PEAK1: variants seen among roughly 807,000 people sequenced by gnomAD.
PEAK1 encodes pseudopodium enriched atypical kinase 1.
In PEAK1, 54 loss-of-function variants were observed where a neutral mutation model predicts 124.7. The ratio of observed to expected loss-of-function variants is 0.43; its 90% CI spans 0.35 to 0.54. PEAK1 has a LOEUF of 0.54. Among genes scored for constraint, PEAK1 ranks in the 20% least tolerant of loss-of-function variants. The pLI, the probability that PEAK1 is intolerant of heterozygous loss-of-function variation, is 0.01. For missense variants in PEAK1, 2,046 were observed against 2,134.5 expected (o/e 0.96, Z 0.82); for synonymous variants, 719 against 760.0 (o/e 0.95, Z 0.89).
chr15:77,298,064 C>CAAAAAAAAA (rs771222323), intron 2 of PEAK1, among the ~76,000 whole-genome samples: 1 of 31,556 alleles, frequency 3.2e-5, no homozygotes, highest in African/African-American at 1.5e-4. Flanking sequence ...GACTCCGTCT[C>CAAAAAAAAA]AAAAAAAAAA....
intron 2 of PEAK1, among the ~76,000 whole-genome samples, chr15:77,294,752 T>C (rs751319691): frequency 2.0e-5 from 3 of 152,216 alleles, no homozygotes; most frequent in Non-Finnish European, 4.4e-5. Flanking sequence ...GTATAGATGC[T>C]GGACATTATA....
At position 77,313,664 on chromosome 15, in the gene PEAK1, G is replaced by A. The variant is rs1340649276; in HGVS notation, c.-602-27160C>T. Among the ~76,000 whole-genome samples the A allele has an allele frequency of 2.7e-5, 3 of 110,538 alleles. No individual in the cohort carries two copies. The South Asian group carries it at 7.8e-4, about 29-fold the overall frequency. The allele number at this position is 110,538 out of a possible 152,430, so 72.5% of individuals were successfully genotyped here. A position where few individuals can be genotyped will look rare whatever the true frequency, so the allele number is the denominator to read the frequency against. ...TATGTATGTATGTATGTGTGTGTGTGTGTGTGTGTGTGTGTGTGTGTGTGT... is the reference window on the plus strand; with the variant it reads ...TATGTATGTATGTATGTGTGTGTGTATGTGTGTGTGTGTGTGTGTGTGTGT... On this transcript the variant is annotated intron_variant, in intron 2 of 9. Coordinates refer to ENST00000682557, the MANE Select transcript of PEAK1 (RefSeq NM_001385026.1).
chr15:77,382,722 T>C (rs1216670838), intron 1 of PEAK1, among the ~76,000 whole-genome samples: 1 of 152,174 alleles, frequency 6.6e-6, no homozygotes, highest in African/African-American at 2.4e-5. Flanking sequence ...CTATTTTGTC[T>C]AAGAATCCTC....
intron 2 of PEAK1, among the ~76,000 whole-genome samples, chr15:77,289,469 A>C (rs2063101803): frequency 6.6e-6 from 1 of 152,178 alleles, no homozygotes; most frequent in Non-Finnish European, 1.5e-5. Flanking sequence ...CTTGATGTTA[A>C]ATTCACAGAG....
intron 2 of PEAK1, among the ~76,000 whole-genome samples, chr15:77,300,523 T>TA (rs2063731178): frequency 6.6e-6 from 1 of 152,212 alleles, no homozygotes; most frequent in Non-Finnish European, 1.5e-5. Flanking sequence ...AGATAGTACA[T>TA]AGAGTTCCCA....
rs561156576 is a variant in PEAK1, at chr15:77,361,739, C to G, written c.-603+3424G>C. ...TCACTACAGTGAATCTATCCAAAGA[C>G]AAGACTATCATTATATCAAAGAGAC... On this transcript the variant is annotated intron_variant, in intron 2 of 9. Transcript: ENST00000682557. 5.3e-5 allele frequency among the ~76,000 whole-genome samples: 8 copies of G among 152,200 alleles called. No homozygotes were observed. The South Asian group carries it at 1.2e-3, about 24-fold the overall frequency.
chr15:77,364,404 T>C (rs972049992), intron 2 of PEAK1, among the ~76,000 whole-genome samples: 2 of 152,192 alleles, frequency 1.3e-5, no homozygotes, highest in Non-Finnish European at 2.9e-5. Flanking sequence ...TAAATGAGTT[T>C]GTAAAATAAT....
At chr15:77,352,493 G>C in intron 2 of PEAK1, 1 of 985,266 alleles carries the variant, frequency 1.0e-6, no homozygotes, top group Non-Finnish European at 1.2e-6. Flanking sequence ...TATGGAGAGA[G>C]CCTGGACATT....
At chr15:77,363,654 G>C (rs931007522) in intron 2 of PEAK1, among the ~76,000 whole-genome samples, 1 of 152,150 alleles carries the variant, frequency 6.6e-6, no homozygotes, top group African/African-American at 2.4e-5. Context: ...AGTGATTAAA[G>C]TAACTCAGCT....
Position 77,112,660 on chromosome 15 carries a change from T to TACACACACAC in PEAK1, c.*1486_*1495dup, listed in dbSNP as rs10539940. 4 of 145,478 alleles carry TACACACACAC rather than the reference T, an allele frequency of 2.7e-5. No individual in the cohort carries two copies. Among genetic ancestry groups the TACACACACAC allele is most frequent in the East Asian group, 2.1e-4 (1 of 4,842 alleles). The allele number at this position is 145,478 out of a possible 1,614,324, so 9.0% of individuals were successfully genotyped here. A position where few individuals can be genotyped will look rare whatever the true frequency, so the allele number is the denominator to read the frequency against. On this transcript the variant is annotated 3_prime_UTR_variant, in exon 10 of 10. Coordinates refer to ENST00000682557, the MANE Select transcript of PEAK1 (RefSeq NM_001385026.1). ...AAGCACAGGTGAACATGTGTATACA[T>TACACACACAC]ACACACACACACACACACACACACA...
rs1478574033 is a variant in PEAK1 at position 77,179,723 on chromosome 15, T to C, written c.2204A>G (p.Gln735Arg). 6.2e-7 allele frequency: 1 copy of C among 1,613,998 alleles called. No homozygotes were observed. The highest frequency in any genetic ancestry group is 2.2e-5 in the East Asian group (1 of 44,886). The change falls in exon 7 of 10, where the codon CAG (glutamine) becomes CGG (arginine). Residue 735 changes from glutamine (Q) to arginine (R), a missense_variant. Transcript: ENST00000682557. ...GGCCACAGGCTCTTGAGTGGCTCTC[T>C]GGATCTTTGCTGGGGAGCTGTGGCT... ...SSSHSSPAKI[Q>R]RATQEPVAKI...
chr15:77,328,985 A>C (rs1289761292), intron 2 of PEAK1, among the ~76,000 whole-genome samples: 1 of 152,202 alleles, frequency 6.6e-6, no homozygotes, highest in Admixed American at 6.5e-5. Flanking sequence ...AGGTATAGAA[A>C]GCTTTAGATT....
chr15:77,370,630 G>T, intron 1 of PEAK1: 1 of 921,378 alleles, frequency 1.1e-6, no homozygotes, highest in Non-Finnish European at 1.3e-6. Flanking sequence ...CCATAATTTT[G>T]AATGTTACCA....
At position 77,181,227 on chromosome 15, in the gene PEAK1, C is replaced by T. The variant is rs1460934683; in HGVS notation, c.700G>A (p.Glu234Lys). 4 of 1,613,920 alleles carry T rather than the reference C, an allele frequency of 2.5e-6. No individual in the cohort carries two copies. The highest frequency in any genetic ancestry group is 3.3e-5 in the Admixed American group (2 of 60,014). The stretch of plus-strand genomic sequence containing the variant: ...AAAAGTACATCCTCTTCACTCTCCT[C>T]GCCACTGGAAAACTCTGGGTAACAG... ...RFCYPEFSSG[E>K]ESEEDVLFSN... Residue 234 changes from glutamate to lysine, a missense_variant, in exon 7 of 10, where the codon GAG becomes AAG. Physicochemically the swap from Glu to Lys is moderately conservative, Grantham distance 56. Coordinates refer to ENST00000682557, the MANE Select transcript of PEAK1 (RefSeq NM_001385026.1).
Position 77,214,493 on chromosome 15 carries a change from G to A in PEAK1, c.-114-32453C>T, listed in dbSNP as rs575494815. Among the ~76,000 whole-genome samples the A allele has an allele frequency of 3.2e-4, 48 of 151,364 alleles. 2 individuals are homozygous for A. In the South Asian group the frequency reaches 9.0e-3, roughly 28 times the overall value. On this transcript the variant is annotated intron_variant, in intron 6 of 9. Transcript: ENST00000682557. ...AAAAAAATTAGCCGGGCATGGTGGCGGGCGCCTGTAGTCCCAGCTACTCGG... is the reference window on the plus strand; with the variant it reads ...AAAAAAATTAGCCGGGCATGGTGGCAGGCGCCTGTAGTCCCAGCTACTCGG...
At position 77,179,189 on chromosome 15, in the gene PEAK1, C is replaced by T; in HGVS notation, c.2738G>A (p.Gly913Asp). 6.2e-7 allele frequency: 1 copy of T among 1,614,178 alleles called. No homozygotes were observed. The highest frequency in any genetic ancestry group is 8.5e-7 in the Non-Finnish European group (1 of 1,180,026). Residue 913 changes from glycine to aspartate, a missense_variant, in exon 7 of 10, where the codon GGC becomes GAC. Coordinates refer to ENST00000682557, the MANE Select transcript of PEAK1 (RefSeq NM_001385026.1). ...TTTTGCATCAGCTGCCCGCCTGCTGCCTTCAGAGTGCAAAACTGATTCAGC... is the reference window on the plus strand; with the variant it reads ...TTTTGCATCAGCTGCCCGCCTGCTGTCTTCAGAGTGCAAAACTGATTCAGC... The part of the protein sequence containing the change: ...TEAESVLHSE[G>D]SRRAADAKPK...
intron 5 of PEAK1, among the ~76,000 whole-genome samples, chr15:77,275,297 C>G (rs768324974): frequency 6.6e-6 from 1 of 152,060 alleles, no homozygotes; most frequent in Non-Finnish European, 1.5e-5. Flanking sequence ...ACCACCTGTT[C>G]CCCCAAAACC....
chr15:77,159,369 C>T (rs1457866991), intron 7 of PEAK1, among the ~76,000 whole-genome samples: 1 of 152,204 alleles, frequency 6.6e-6, no homozygotes, highest in Non-Finnish European at 1.5e-5. Flanking sequence ...AAGCATCCTC[C>T]TGGCTGCATA....
intron 2 of PEAK1, chr15:77,352,559 A>G: frequency 1.0e-6 from 1 of 954,568 alleles, no homozygotes; most frequent in Non-Finnish European, 1.2e-6. Flanking sequence ...TACTTTAGAA[A>G]TATGTCATTT....
Sources: gnomAD v4.1 joint callset for allele counts (sites outside exome capture counted in the v4.1 genomes callset) on GRCh38, gnomAD v4.1.1 for gene constraint, MANE v1.5 for transcripts, NCBI Gene and HGNC (gene_info 2026-07-23, HGNC 2026-07-21) for gene names.